Variants in SPOP observed in about 807,000 individuals in gnomAD.
SPOP encodes the protein speckle type BTB/POZ protein, also known as speckle-type POZ protein.
SPOP carries 11 observed loss-of-function variants against 45.6 expected under a neutral mutation model. The observed-to-expected ratio is 0.24, with a 90% CI of 0.15 to 0.40. The LOEUF is 0.40. SPOP is among the 10% of genes least tolerant of loss of function. The probability of loss-of-function intolerance (pLI) is 1.00; values close to 1 mark genes in which losing one functional copy is unlikely to be tolerated. For synonymous variants in SPOP, 166 were observed against 166.3 expected, an observed-to-expected ratio of 1.00 and a Z score of 0.01; for missense variants, 152 against 465.6, an observed-to-expected ratio of 0.33 and a Z score of 6.20.
At chr17:49,632,810 T>C (rs906114733) in intron 1 of SPOP, among the ~76,000 whole-genome samples, 2 of 152,230 alleles carry the variant, frequency 1.3e-5, no homozygotes, top group Admixed American at 6.5e-5. Context: ...TTCCAATATA[T>C]TAAGTGAGGG....
intron 1 of SPOP, among the ~76,000 whole-genome samples, chr17:49,633,067 A>G (rs1301480623): frequency 1.3e-5 from 2 of 152,246 alleles, no homozygotes; most frequent in Non-Finnish European, 2.9e-5. Context: ...TAACTGTTGT[A>G]TATAAGGAAA....
At chr17:49,623,754 T>C (rs543528378) in intron 1 of SPOP, among the ~76,000 whole-genome samples, 30 of 152,204 alleles carry the variant, frequency 2.0e-4, no homozygotes, top group Admixed American at 4.6e-4. Flanking sequence ...ACTCGATATT[T>C]CAGATTCTTC....
At chr17:49,671,739 C>G (rs1428702740) in intron 1 of SPOP, among the ~76,000 whole-genome samples, 1 of 152,178 alleles carries the variant, frequency 6.6e-6, no homozygotes, top group African/African-American at 2.4e-5. Context: ...GGCACAGTGG[C>G]TCATGCCTGT....
chr17:49,624,147 G>T (rs1362983460), intron 1 of SPOP, among the ~76,000 whole-genome samples: 2 of 152,054 alleles, frequency 1.3e-5, no homozygotes, highest in Non-Finnish European at 2.9e-5. Context: ...TGAGGGAGTG[G>T]GACTGGGGAG....
chr17:49,657,095 G>C (rs1320547620), intron 1 of SPOP, among the ~76,000 whole-genome samples: 2 of 151,876 alleles, frequency 1.3e-5, no homozygotes, highest in Non-Finnish European at 2.9e-5. Context: ...TGAGGCAGGA[G>C]AATGTGGTGA....
At chr17:49,614,839 G>A (rs899499529) in intron 5 of SPOP, among the ~76,000 whole-genome samples, 2 of 134,728 alleles carry the variant, frequency 1.5e-5, no homozygotes, top group Non-Finnish European at 3.3e-5. Flanking sequence ...GTGTGTGTGT[G>A]TGTGTATAAA....
At chr17:49,610,515 G>A (rs143321931) in intron 6 of SPOP, among the ~76,000 whole-genome samples, 28 of 152,310 alleles carry the variant, frequency 1.8e-4, no homozygotes, top group African/African-American at 4.8e-4. Flanking sequence ...CACCGCGCCC[G>A]TGACTTCCTT....
At chr17:49,626,297 A>AT (rs1290278535) in intron 1 of SPOP, among the ~76,000 whole-genome samples, 1 of 152,112 alleles carries the variant, frequency 6.6e-6, no homozygotes, top group Non-Finnish European at 1.5e-5. Context: ...TAATAGTTTT[A>AT]TTTTCTTAAT....
intron 1 of SPOP, among the ~76,000 whole-genome samples, chr17:49,674,013 T>C (rs979929321): frequency 2.0e-5 from 3 of 151,940 alleles, no homozygotes; most frequent in Non-Finnish European, 4.4e-5. Context: ...GGGCGTGGTG[T>C]TGCATGCCTG....
chr17:49,600,201 C>T lies in SPOP; in HGVS notation c.*177G>A. ...CAGGGTTTTCATTTCATTTTCCCTC[C>T]CCCCGTTTCCCCCAAGTTATTTAGT... is the stretch of plus-strand genomic sequence containing the variant. On this transcript the variant is annotated 3_prime_UTR_variant, in exon 10 of 10. Coordinates refer to ENST00000504102, the MANE Select transcript of SPOP (RefSeq NM_001007228.2). The surrounding 1 kb of genome is among the most constrained non-coding windows in gnomAD (Gnocchi z 4.2). 7 of 808,310 alleles carry T rather than the reference C, an allele frequency of 8.7e-6. No homozygotes were observed. The highest frequency in any genetic ancestry group is 1.4e-5 in the Non-Finnish European group (7 of 505,320). 50.1% of individuals were successfully genotyped at this position (808,310 alleles called of 1,614,324 possible).
intron 1 of SPOP, among the ~76,000 whole-genome samples, chr17:49,675,458 G>C (rs9891224): frequency 0.28 from 42,016 of 152,080 alleles, 6,524 homozygotes; most frequent in Middle Eastern, 0.47. Flanking sequence ...ACTGTCTCGG[G>C]ATGAATAAAC....
chr17:49,659,617 C>T (rs1057375227), intron 1 of SPOP, among the ~76,000 whole-genome samples: 1 of 152,142 alleles, frequency 6.6e-6, no homozygotes, highest in Non-Finnish European at 1.5e-5. Context: ...AGTTCTTTCA[C>T]CATTAAGTTT....
At chr17:49,627,068 C>A (rs1478128903) in intron 1 of SPOP, among the ~76,000 whole-genome samples, 1 of 152,176 alleles carries the variant, frequency 6.6e-6, no homozygotes, top group Non-Finnish European at 1.5e-5. Flanking sequence ...CCAGGATGGT[C>A]TCGATCTCCT....
At chr17:49,659,679 T>C (rs2072961445) in intron 1 of SPOP, among the ~76,000 whole-genome samples, 1 of 152,236 alleles carries the variant, frequency 6.6e-6, no homozygotes, top group Non-Finnish European at 1.5e-5. Flanking sequence ...AAGCGGATGA[T>C]ATAAAATTGT....
Position 49,619,487 on chromosome 17 carries a change from C to A in SPOP, c.201-102G>T, listed in dbSNP as rs746857400. 2.2e-4 allele frequency: 280 copies of A among 1,275,212 alleles called. 1 individual carries two copies. The highest frequency in any genetic ancestry group is 2.7e-4 in the Non-Finnish European group (258 of 940,298). The allele number at this position is 1,275,212 out of a possible 1,614,324, so 79.0% of individuals were successfully genotyped here. On this transcript the variant is annotated intron_variant, in intron 3 of 9. Coordinates refer to ENST00000504102, the MANE Select transcript of SPOP (RefSeq NM_001007228.2). The surrounding 1 kb of genome is among the most constrained non-coding windows in gnomAD (Gnocchi z 4.9). ...GAGATGTTTAAAAAACAAATGCAGG[C>A]CCCATAGAAGAATATAATTCAGTAG...
chr17:49,618,786 T>A (rs1169073057), intron 5 of SPOP, among the ~76,000 whole-genome samples, 195 bp downstream of exon 5: 1 of 152,202 alleles, frequency 6.6e-6, no homozygotes, highest in Non-Finnish European at 1.5e-5. Flanking sequence ...TTAAGAACAG[T>A]AACAAGTGGA....
intron 1 of SPOP, among the ~76,000 whole-genome samples, chr17:49,665,649 G>C (rs1319949048): frequency 2.1e-4 from 26 of 126,788 alleles, no homozygotes; most frequent in South Asian, 8.2e-4. Flanking sequence ...TATATATACA[G>C]ACACACACAC....
rs1164178062 is a variant in SPOP, at chr17:49,609,310, C to T, written c.659-1381G>A. 3.9e-5 allele frequency among the ~76,000 whole-genome samples: 6 copies of T among 152,134 alleles called. 1 individual carries two copies. Among genetic ancestry groups the T allele is most frequent in the South Asian group, 2.1e-4 (1 of 4,828 alleles). The stretch of plus-strand genomic sequence containing the variant: ...CGAAAGGATATCAATTCTCATTGTT[C>T]TTATTTCAGAAGGGTTACAGACCAT... On this transcript the variant is annotated intron_variant, in intron 6 of 9. Coordinates refer to ENST00000504102, the MANE Select transcript of SPOP (RefSeq NM_001007228.2).
chr17:49,673,929 C>G (rs2073168480), intron 1 of SPOP, among the ~76,000 whole-genome samples: 1 of 152,136 alleles, frequency 6.6e-6, no homozygotes, highest in Admixed American at 6.6e-5. Context: ...GGCAGATCAT[C>G]TGAGGTCAGG....
Sources: gnomAD v4.1 joint callset for allele counts (sites outside exome capture counted in the v4.1 genomes callset) on GRCh38, gnomAD v4.1.1 for gene constraint, Gnocchi (gnomAD v3.1) non-coding constraint, MANE v1.5 for transcripts, NCBI Gene and HGNC (gene_info 2026-07-23, HGNC 2026-07-21) for gene names.